Variants in ARFGEF1 observed in about 807,000 individuals in gnomAD.
The protein encoded by ARFGEF1 is brefeldin A-inhibited guanine nucleotide-exchange protein 1.
ARFGEF1 carries 42 observed loss-of-function variants against 231.0 expected under a neutral mutation model. That is an observed-to-expected ratio of 0.18 (90% CI 0.14 to 0.24). The LOEUF (loss-of-function observed/expected upper bound fraction) is 0.24, where lower values mean the gene tolerates loss of function less well. Ranked by LOEUF, ARFGEF1 falls within the 10% of genes least tolerant of loss-of-function variation. The pLI is 1.00. For synonymous variants in ARFGEF1, 710 were observed against 732.3 expected (o/e 0.97, Z 0.49); for missense variants, 1,345 against 2,192.0 (o/e 0.61, Z 7.72).
chr8:67,273,840 T>G (rs1367289485), intron 9 of ARFGEF1, among the ~76,000 whole-genome samples: 1 of 152,142 alleles, frequency 6.6e-6, no homozygotes, highest in Non-Finnish European at 1.5e-5. Context: ...TCCCCTCCTG[T>G]TCTAGTCTTC....
At chr8:67,278,909 C>A (rs1805420361) in intron 7 of ARFGEF1, among the ~76,000 whole-genome samples, 1 of 152,048 alleles carries the variant, frequency 6.6e-6, no homozygotes, top group Admixed American at 6.5e-5. Context: ...ACTTTTGGAG[C>A]TTCAATATGC....
At chr8:67,306,413 C>T (rs1181547205) in intron 1 of ARFGEF1, among the ~76,000 whole-genome samples, 2 of 151,968 alleles carry the variant, frequency 1.3e-5, no homozygotes, top group Non-Finnish European at 2.9e-5. Context: ...CAAATCAACA[C>T]TGTTTATAAG....
rs538596878 is a variant in ARFGEF1 at position 67,188,617 on chromosome 8, C to A, written c.560+11779G>T. Reference sequence around the variant, plus strand: ...TCTTGGAACTGCATGCTCTTCTGGTCCATGTTTGTTACGGCTCGAGCTGAG... The same window carrying A: ...TCTTGGAACTGCATGCTCTTCTGGTACATGTTTGTTACGGCTCGAGCTGAG... On this transcript the variant is annotated intron_variant, in intron 5 of 5. Transcript: ENST00000518789. Among the ~76,000 whole-genome samples the A allele has an allele frequency of 9.2e-5, 14 of 152,306 alleles. 1 individual carries two copies. The South Asian group carries it at 2.5e-3, about 27-fold the overall frequency.
chr8:67,288,137 G>GA, intron 6 of ARFGEF1, 72 bp from the exon 7 acceptor site: 1 of 885,612 alleles, frequency 1.1e-6, no homozygotes, highest in East Asian at 2.8e-5. Context: ...CATTTATGAT[G>GA]AAAAAACTCC....
chr8:67,310,137 A>ACGGTCTCCCTCTCATGCGGAGC (rs1362090777), intron 1 of ARFGEF1, among the ~76,000 whole-genome samples: 4 of 151,122 alleles, frequency 2.6e-5, no homozygotes, highest in African/African-American at 9.7e-5. Flanking sequence ...CTCTCTTTCC[A>ACGGTCTCCCTCTCATGCGGAGC]CGGTCTCCCT....
chr8:67,287,853 A>G (rs1805824047), intron 7 of ARFGEF1, 102 bp downstream of exon 7: 1 of 766,750 alleles, frequency 1.3e-6, no homozygotes, highest in East Asian at 3.1e-5. Flanking sequence ...GTTGGCTCCA[A>G]ACGTTTTAAT....
At chr8:67,312,850 T>C (rs1186619379) in intron 1 of ARFGEF1, among the ~76,000 whole-genome samples, 2 of 152,186 alleles carry the variant, frequency 1.3e-5, no homozygotes, top group African/African-American at 4.8e-5. Flanking sequence ...GACATCAGTA[T>C]ACTGTGAAAA....
At chr8:67,282,331 T>C (rs1018895249) in intron 7 of ARFGEF1, among the ~76,000 whole-genome samples, 2 of 152,172 alleles carry the variant, frequency 1.3e-5, no homozygotes, top group Admixed American at 6.5e-5. Context: ...ATTATTTCTA[T>C]AGCTTATAAT....
intron 1 of ARFGEF1, among the ~76,000 whole-genome samples, chr8:67,336,258 T>C (rs899681903): frequency 2.0e-5 from 3 of 152,208 alleles, no homozygotes; most frequent in African/African-American, 7.2e-5. Flanking sequence ...TCAGAATAAC[T>C]GCTTTCTAGA....
Position 67,299,635 on chromosome 8 carries a change from T to C in ARFGEF1, c.313-280A>G, listed in dbSNP as rs186271169. On this transcript the variant is annotated intron_variant, in intron 3 of 38. Transcript: ENST00000262215. ...TGAGAAAGTCAGGCCTTGGAGAACC[T>C]GTCTCTGATGAGTTAGAATTGCTTA... Among the ~76,000 whole-genome samples, 36 of 152,298 alleles carry C rather than the reference T, an allele frequency of 2.4e-4. 2 individuals carry two copies. Among genetic ancestry groups the C allele is most frequent in the Admixed American group, 2.0e-3 (30 of 15,300 alleles).
At chr8:67,195,817 CAT>C, downstream of ARFGEF1, 2 of 494,612 alleles carry the variant, frequency 4.0e-6, no homozygotes, top group Non-Finnish European at 7.2e-6. Flanking sequence ...ACAGTTTTGT[CAT>C]AAATTAGGGT....
chr8:67,257,225 C>A (rs921105835), intron 17 of ARFGEF1, among the ~76,000 whole-genome samples: 20 of 152,078 alleles, frequency 1.3e-4, no homozygotes, highest in Non-Finnish European at 2.8e-4. Context: ...GGACCACAGG[C>A]ACATGCCACC....
chr8:67,327,706 T>C (rs1226503498), intron 1 of ARFGEF1, among the ~76,000 whole-genome samples: 1 of 152,234 alleles, frequency 6.6e-6, no homozygotes, highest in East Asian at 1.9e-4. Context: ...ATGATTATAT[T>C]TGTCAAAATT....
intron 1 of ARFGEF1, among the ~76,000 whole-genome samples, chr8:67,327,724 A>AT (rs2128931177): frequency 6.6e-6 from 1 of 152,296 alleles, no homozygotes; most frequent in East Asian, 1.9e-4. Flanking sequence ...ATTTCCTTGT[A>AT]TTTGCAACAC....
At chr8:67,331,356 C>G (rs1387364917) in intron 1 of ARFGEF1, among the ~76,000 whole-genome samples, 1 of 152,096 alleles carries the variant, frequency 6.6e-6, no homozygotes, top group East Asian at 1.9e-4. Flanking sequence ...CAGGAGGTGA[C>G]TAGGTCATAC....
intron 1 of ARFGEF1, among the ~76,000 whole-genome samples, chr8:67,340,474 G>A (rs910213319): frequency 6.6e-6 from 1 of 152,188 alleles, no homozygotes; most frequent in Non-Finnish European, 1.5e-5. Context: ...GGTCTCAATA[G>A]TGAAGTGGAG....
chr8:67,244,320 T>G (rs867380995), intron 19 of ARFGEF1, among the ~76,000 whole-genome samples: 4,985 of 138,672 alleles, frequency 0.036, 173 homozygotes, highest in Non-Finnish European at 0.058. Flanking sequence ...GTTGTTGTTT[T>G]TTTTTTTTTT....
At chr8:67,199,215 G>T in intron 38 of ARFGEF1, 117 bp from the exon 39 acceptor site, 1 of 1,230,618 alleles carries the variant, frequency 8.1e-7, no homozygotes, top group Non-Finnish European at 1.1e-6. Flanking sequence ...AGGGTCCACA[G>T]CAGGCAGTGA....
chr8:67,197,751 G>A lies in ARFGEF1; in HGVS notation c.*1183C>T, dbSNP rs1001720502. Reference sequence around the variant, plus strand: ...GGGAATCAATATTGTACAGAAAGTTGTACAGAATTTTTTACATAGAAAACT... The same window carrying A: ...GGGAATCAATATTGTACAGAAAGTTATACAGAATTTTTTACATAGAAAACT... On this transcript the variant is annotated 3_prime_UTR_variant, in exon 39 of 39. Transcript: ENST00000262215. 30 of 985,766 alleles carry A rather than the reference G, an allele frequency of 3.0e-5. No individual in the cohort carries two copies. In the African/African-American group the frequency reaches 5.2e-4, roughly 17 times the overall value. 61.1% of individuals were successfully genotyped at this position (985,766 alleles called of 1,614,324 possible).
Sources: allele counts gnomAD v4.1 joint callset (sites outside exome capture counted in the v4.1 genomes callset), GRCh38; gene constraint gnomAD v4.1.1; transcripts MANE v1.5; gene names NCBI Gene and HGNC (gene_info 2026-07-23, HGNC 2026-07-21).